SYN2: variants seen among roughly 807,000 people sequenced by gnomAD.
SYN2 encodes synapsin II.
A neutral mutation model predicts 50.9 loss-of-function variants in SYN2; 19 were observed. That is an observed-to-expected ratio of 0.37 (90% CI 0.26 to 0.55). The LOEUF (loss-of-function observed/expected upper bound fraction) is 0.55. Ranked by LOEUF, SYN2 falls within the 20% of genes least tolerant of loss-of-function variation. The probability of loss-of-function intolerance (pLI) is 0.81; values close to 1 mark genes in which losing one functional copy is unlikely to be tolerated. For missense variants in SYN2, 587 were observed against 576.4 expected, an observed-to-expected ratio of 1.02 and a Z score of -0.19; for synonymous variants, 255 against 224.9, an observed-to-expected ratio of 1.13 and a Z score of -1.20.
chr3:12,026,635 C>T (rs955949157), intron 1 of SYN2, among the ~76,000 whole-genome samples: 4 of 151,994 alleles, frequency 2.6e-5, no homozygotes, highest in African/African-American at 9.7e-5. Context: ...AAAGACATTG[C>T]TCTTTAGGAA....
intron 1 of SYN2, among the ~76,000 whole-genome samples, chr3:12,038,359 TCTAA>T (rs1392877439): frequency 2.6e-5 from 4 of 152,176 alleles, no homozygotes; most frequent in African/African-American, 7.2e-5. Flanking sequence ...GTGTGAGTCA[TCTAA>T]CTTTGTTGTT....
chr3:12,095,973 C>G (rs1695924898), intron 1 of SYN2, among the ~76,000 whole-genome samples: 1 of 152,096 alleles, frequency 6.6e-6, no homozygotes, highest in African/African-American at 2.4e-5. Context: ...TGAATTTTTC[C>G]TCCTTCAAAC....
chr3:12,042,020 T>C (rs1006107569), intron 1 of SYN2, among the ~76,000 whole-genome samples: 1 of 152,180 alleles, frequency 6.6e-6, no homozygotes, highest in Admixed American at 6.5e-5. Context: ...TGCCAACATA[T>C]ATAGTAGTTT....
intron 10 of SYN2, among the ~76,000 whole-genome samples, chr3:12,170,687 C>G (rs912067130): frequency 6.6e-6 from 1 of 152,246 alleles, no homozygotes; most frequent in Non-Finnish European, 1.5e-5. Flanking sequence ...AACCTTAAGT[C>G]TAGCTCTTCC....
chr3:12,135,757 CT>C (rs1429374276), intron 1 of SYN2, among the ~76,000 whole-genome samples: 2 of 152,190 alleles, frequency 1.3e-5, no homozygotes, highest in African/African-American at 4.8e-5. Context: ...CCTGAGGGTG[CT>C]GTCTTCTGGT....
intron 1 of SYN2, among the ~76,000 whole-genome samples, chr3:12,105,969 G>A (rs1439963409): frequency 6.6e-6 from 1 of 152,026 alleles, no homozygotes; most frequent in Non-Finnish European, 1.5e-5. Flanking sequence ...AGTTCCATAG[G>A]TCAGTAATCT....
At chr3:12,089,316 A>G (rs1202732645) in intron 1 of SYN2, among the ~76,000 whole-genome samples, 1 of 152,184 alleles carries the variant, frequency 6.6e-6, no homozygotes, top group Non-Finnish European at 1.5e-5. Context: ...GGGAACTCCC[A>G]TATATAAAAC....
In SYN2 at chr3:12,191,649, C is replaced by T. The variant is rs577839000; in HGVS notation, c.*1024C>T. ...TCGCACCTCCCCAGTGAATCTGTCT[C>T]CTCCAAGACACCTAGCCTTCCTTCA... is the stretch of plus-strand genomic sequence containing the variant. On this transcript the variant is annotated 3_prime_UTR_variant, in exon 13 of 13. Coordinates refer to ENST00000621198, the MANE Select transcript of SYN2 (RefSeq NM_133625.6). 7.1e-4 allele frequency among the ~76,000 whole-genome samples: 108 copies of T among 152,310 alleles called. No homozygotes were observed. The highest frequency in any genetic ancestry group is 2.4e-3 in the African/African-American group (99 of 41,556).
At chr3:12,184,075 T>C (rs1698286618) in intron 11 of SYN2, 9 of 986,258 alleles carry the variant, frequency 9.1e-6, no homozygotes, top group Non-Finnish European at 9.6e-6. Flanking sequence ...TTTATGTGAA[T>C]AGGCTGGCTG....
intron 10 of SYN2, among the ~76,000 whole-genome samples, chr3:12,182,498 G>A (rs894172425): frequency 2.0e-5 from 3 of 152,154 alleles, no homozygotes; most frequent in African/African-American, 4.8e-5. Context: ...TCAGAATCAC[G>A]GCTGGGAGAG....
At chr3:12,157,369 G>A (rs1478959035) in intron 5 of SYN2, 1 of 1,611,904 alleles carries the variant, frequency 6.2e-7, no homozygotes, top group African/African-American at 1.3e-5. Flanking sequence ...ACACATCCCA[G>A]CCTGCCCCCA....
chr3:12,122,797 T>TA (rs1240224360), intron 1 of SYN2, among the ~76,000 whole-genome samples: 1 of 152,062 alleles, frequency 6.6e-6, no homozygotes, highest in Non-Finnish European at 1.5e-5. Flanking sequence ...CTTAAGCTGT[T>TA]AAAAAATCTA....
intron 10 of SYN2, among the ~76,000 whole-genome samples, chr3:12,180,299 T>C (rs997042941): frequency 2.6e-5 from 4 of 152,100 alleles, no homozygotes; most frequent in African/African-American, 9.7e-5. Context: ...TTCCGTTTTG[T>C]GTACAGCTAG....
At chr3:12,138,788 C>T (rs7647559) in intron 1 of SYN2, among the ~76,000 whole-genome samples, 5,449 of 152,266 alleles carry the variant, frequency 0.036, 353 homozygotes, top group African/African-American at 0.12. Flanking sequence ...GAGGAAGCAT[C>T]AGAAAAGCAT....
intron 1 of SYN2, among the ~76,000 whole-genome samples, chr3:12,038,246 A>C (rs1378072521): frequency 2.0e-5 from 3 of 152,184 alleles, no homozygotes; most frequent in Admixed American, 1.3e-4. Context: ...TCTAAGTTCT[A>C]TTCCATTGAT....
At chr3:12,139,076 T>C (rs992087565) in intron 1 of SYN2, among the ~76,000 whole-genome samples, 1 of 152,128 alleles carries the variant, frequency 6.6e-6, no homozygotes, top group Non-Finnish European at 1.5e-5. Flanking sequence ...TGAAGCTTAA[T>C]AAGAAATTGG....
Position 12,105,223 on chromosome 3 carries a change from A to G in SYN2, c.378-35428A>G, listed in dbSNP as rs113326303. Among the ~76,000 whole-genome samples, 16 of 152,232 alleles carry G rather than the reference A, an allele frequency of 1.1e-4. 2 individuals are homozygous for G. The highest frequency in any genetic ancestry group is 3.6e-4 in the African/African-American group (15 of 41,552). The stretch of plus-strand genomic sequence containing the variant: ...TTAGACAAGGACTTTGCATCTAGTC[A>G]CTGGAGTAGGAGGAATAGAGATTTT... On this transcript the variant is annotated intron_variant, in intron 1 of 12. Transcript: ENST00000621198.
intron 1 of SYN2, among the ~76,000 whole-genome samples, chr3:12,118,088 CCTTT>C (rs1222502671): frequency 6.6e-6 from 1 of 152,092 alleles, no homozygotes; most frequent in Non-Finnish European, 1.5e-5. Flanking sequence ...CAGCAGTGAC[CCTTT>C]AGTTAGAAGA....
intron 11 of SYN2, chr3:12,184,896 G>T (rs1365337347): frequency 4.1e-6 from 4 of 985,514 alleles, no homozygotes; most frequent in South Asian, 4.7e-5. Context: ...AAGAAATGCT[G>T]CTGGCTCTAT....
Sources: allele counts gnomAD v4.1 joint callset (sites outside exome capture counted in the v4.1 genomes callset), GRCh38; gene constraint gnomAD v4.1.1; transcripts MANE v1.5; gene names NCBI Gene and HGNC (gene_info 2026-07-23, HGNC 2026-07-21).